IFT88: variants seen among roughly 807,000 people sequenced by gnomAD.
IFT88 encodes the protein intraflagellar transport 88.
IFT88 carries 74 observed loss-of-function variants against 119.5 expected under a neutral mutation model. The ratio of observed to expected loss-of-function variants is 0.62; its 90% CI spans 0.51 to 0.75. The LOEUF (loss-of-function observed/expected upper bound fraction) is 0.75, where lower values mean the gene tolerates loss of function less well. Ranked by LOEUF, IFT88 falls within the 30% of genes least tolerant of loss-of-function variation. The pLI, the probability that IFT88 is intolerant of heterozygous loss-of-function variation, is 0.00. For missense variants in IFT88, 961 were observed against 977.7 expected (o/e 0.98, Z 0.23); for synonymous variants, 279 against 316.7 (o/e 0.88, Z 1.26).
chr13:20,645,601 T>C (rs189760425), intron 20 of IFT88, among the ~76,000 whole-genome samples: 3 of 152,212 alleles, frequency 2.0e-5, no homozygotes, highest in Non-Finnish European at 4.4e-5. Flanking sequence ...TCTAAAAGAG[T>C]CTTAATACAA....
At chr13:20,637,607 A>C (rs1189503922) in intron 16 of IFT88, among the ~76,000 whole-genome samples, 2 of 152,140 alleles carry the variant, frequency 1.3e-5, no homozygotes, top group African/African-American at 4.8e-5. Context: ...CTGCCCTTGG[A>C]GTGGAGTAAG....
At chr13:20,617,670 A>T (rs1187565402) in intron 14 of IFT88, among the ~76,000 whole-genome samples, 1 of 152,214 alleles carries the variant, frequency 6.6e-6, no homozygotes, top group African/African-American at 2.4e-5. Flanking sequence ...AATGACTTGT[A>T]GTCTTTTGGA....
intron 11 of IFT88, among the ~76,000 whole-genome samples, chr13:20,601,247 T>C (rs1297788573): frequency 6.6e-6 from 1 of 151,930 alleles, no homozygotes; most frequent in Non-Finnish European, 1.5e-5. Flanking sequence ...GTGCCTATAA[T>C]CCCAGCTATT....
At chr13:20,568,175 C>G (rs1037463161) in intron 1 of IFT88, among the ~76,000 whole-genome samples, 8 of 150,648 alleles carry the variant, frequency 5.3e-5, no homozygotes, top group Non-Finnish European at 8.9e-5. Context: ...ACATACCTTT[C>G]ACTTAAAAAA....
chr13:20,572,092 C>T (rs555786025), intron 1 of IFT88, among the ~76,000 whole-genome samples: 28 of 152,158 alleles, frequency 1.8e-4, no homozygotes, highest in South Asian at 1.2e-3. Context: ...AATTTTCAAA[C>T]ATGCAGCAAG....
chr13:20,617,564 C>T (rs1037247914), intron 14 of IFT88, among the ~76,000 whole-genome samples: 1 of 152,004 alleles, frequency 6.6e-6, no homozygotes, highest in African/African-American at 2.4e-5. Flanking sequence ...TTTGCTATTC[C>T]CTGAAGGATG....
At chr13:20,597,668 C>T (rs570949886) in intron 9 of IFT88, among the ~76,000 whole-genome samples, 11 of 151,494 alleles carry the variant, frequency 7.3e-5, no homozygotes, top group Admixed American at 1.3e-4. Context: ...GGCGTGAACC[C>T]GGGAGGCGGA....
intron 15 of IFT88, 52 bp downstream of exon 15, chr13:20,625,901 G>A (rs773579060): frequency 4.4e-6 from 4 of 917,196 alleles, no homozygotes; most frequent in Non-Finnish European, 6.7e-6. Flanking sequence ...ATTGGTCAAA[G>A]CATTAAAAAC....
chr13:20,574,310 A>G lies in IFT88; in HGVS notation c.-6-70A>G, dbSNP rs1455742214. 1.0e-5 allele frequency: 8 copies of G among 780,388 alleles called. No homozygotes were observed. In the African/African-American group the frequency reaches 1.4e-4, roughly 14 times the overall value. The allele number at this position is 780,388 out of a possible 1,614,324, so 48.3% of individuals were successfully genotyped here. ...ATTCCAGCCTGGGCAACAGAGCAAG[A>G]CATATCTCAAAAAATATATATATAT... On this transcript the variant is annotated intron_variant, in intron 1 of 25. Transcript: ENST00000351808.
chr13:20,662,139 A>G (rs1353384489), intron 22 of IFT88, among the ~76,000 whole-genome samples: 1 of 152,220 alleles, frequency 6.6e-6, no homozygotes, highest in African/African-American at 2.4e-5. Context: ...TCAGGCAGCA[A>G]TATTTGCTGT....
In IFT88 at chr13:20,671,040, G is replaced by T; in HGVS notation, c.2242+1G>T. On this transcript the variant is annotated splice_donor_variant, in intron 24 of 25. Coordinates refer to ENST00000351808, the MANE Select transcript of IFT88 (RefSeq NM_006531.5). LOFTEE classifies it high-confidence loss of function. The stretch of plus-strand genomic sequence containing the variant: ...AAAAGAGAAGGAAGTGCTAGCGGTG[G>T]TAAGTATTTTCTCTTTCCCTGAAAA... The T allele has an allele frequency of 6.2e-7, 1 of 1,613,244 alleles. No individual in the cohort carries two copies. Among genetic ancestry groups the T allele is most frequent in the South Asian group, 1.1e-5 (1 of 90,976 alleles).
At chr13:20,640,653 C>T (rs182778771) in intron 17 of IFT88, among the ~76,000 whole-genome samples, 145 of 152,224 alleles carry the variant, frequency 9.5e-4, no homozygotes, top group Non-Finnish European at 1.7e-3. Context: ...CCACTTATTA[C>T]TAGCACTTTC....
At chr13:20,580,089 T>C (rs924954434) in intron 2 of IFT88, among the ~76,000 whole-genome samples, 1 of 152,218 alleles carries the variant, frequency 6.6e-6, no homozygotes, top group Non-Finnish European at 1.5e-5. Flanking sequence ...TTTTAGTATG[T>C]TTGGAATTGA....
At chr13:20,670,938 C>T (rs1434601141) in intron 23 of IFT88, 35 bp from the exon 24 acceptor site, 2 of 1,588,236 alleles carry the variant, frequency 1.3e-6, no homozygotes, top group Non-Finnish European at 1.7e-6. Context: ...AGGAATAGCA[C>T]TTATTCTTTT....
chr13:20,646,560 C>T (rs1231903253), intron 20 of IFT88, among the ~76,000 whole-genome samples: 3 of 152,064 alleles, frequency 2.0e-5, no homozygotes, highest in African/African-American at 7.2e-5. Flanking sequence ...TCAAGTGATC[C>T]ATTCGCCTCA....
At chr13:20,570,899 AAAT>A (rs1176071116) in intron 1 of IFT88, among the ~76,000 whole-genome samples, 1 of 152,116 alleles carries the variant, frequency 6.6e-6, no homozygotes, top group African/African-American at 2.4e-5. Context: ...TAAAATATAT[AAAT>A]AATTTTTAAA....
At chr13:20,667,444 TC>T (rs2054905622) in intron 23 of IFT88, among the ~76,000 whole-genome samples, 1 of 152,098 alleles carries the variant, frequency 6.6e-6, no homozygotes, top group East Asian at 1.9e-4. Context: ...GGGCAGGAAT[TC>T]CCTGCCCAGT....
At chr13:20,602,535 T>G (rs907728784) in intron 12 of IFT88, among the ~76,000 whole-genome samples, 1 of 152,138 alleles carries the variant, frequency 6.6e-6, no homozygotes, top group African/African-American at 2.4e-5. Flanking sequence ...CAAATCCTTA[T>G]TTCACCTATT....
At chr13:20,607,883 A>G in intron 13 of IFT88, 1 of 708,122 alleles carries the variant, frequency 1.4e-6, no homozygotes, top group Non-Finnish European at 2.7e-6. Flanking sequence ...ACCAGCACCA[A>G]TGTCCTGGGC....
Sources: allele counts gnomAD v4.1 joint callset (sites outside exome capture counted in the v4.1 genomes callset), GRCh38; gene constraint gnomAD v4.1.1; transcripts MANE v1.5; gene names NCBI Gene and HGNC (gene_info 2026-07-23, HGNC 2026-07-21).